Variants in FBXL20 observed in about 807,000 individuals in gnomAD.
FBXL20 encodes F-box and leucine rich repeat protein 20.
A neutral mutation model predicts 64.0 loss-of-function variants in FBXL20; 11 were observed. The observed-to-expected ratio is 0.17, with a 90% confidence interval of 0.11 to 0.28. The LOEUF is 0.28. FBXL20 is among the 10% of genes least tolerant of loss of function. The probability of loss-of-function intolerance (pLI) is 1.00; values close to 1 mark genes in which losing one functional copy is unlikely to be tolerated. For synonymous variants in FBXL20, 184 were observed against 189.0 expected (o/e 0.97, Z 0.22); for missense variants, 303 against 526.2 (o/e 0.58, Z 4.15).
intron 2 of FBXL20, among the ~76,000 whole-genome samples, chr17:39,308,441 A>G (rs1354634739): frequency 6.6e-6 from 1 of 151,728 alleles, no homozygotes; most frequent in Non-Finnish European, 1.5e-5. Context: ...GCTGTAGGGA[A>G]CTGTGATCAC....
chr17:39,392,011 T>A (rs1384121995), intron 1 of FBXL20, among the ~76,000 whole-genome samples: 1 of 151,438 alleles, frequency 6.6e-6, no homozygotes, highest in Non-Finnish European at 1.5e-5. Flanking sequence ...GGTATGGTGG[T>A]GCAGTAATCC....
At chr17:39,294,070 GT>G (rs1335477530) in intron 6 of FBXL20, among the ~76,000 whole-genome samples, 1 of 151,806 alleles carries the variant, frequency 6.6e-6, no homozygotes, top group Non-Finnish European at 1.5e-5. Flanking sequence ...GGTCTTCTAG[GT>G]TTTGTTTAGT....
intron 1 of FBXL20, among the ~76,000 whole-genome samples, chr17:39,394,046 A>C (rs1275111823): frequency 6.6e-6 from 1 of 152,158 alleles, no homozygotes; most frequent in Non-Finnish European, 1.5e-5. Context: ...CTGAGCCAAT[A>C]TTTGGGTGGG....
intron 1 of FBXL20, among the ~76,000 whole-genome samples, chr17:39,366,914 C>T (rs914090130): frequency 4.7e-5 from 7 of 148,592 alleles, no homozygotes; most frequent in Non-Finnish European, 7.4e-5. Flanking sequence ...GATGGAGCCT[C>T]GCTCTGTCAG....
chr17:39,297,115 T>C lies in FBXL20; in HGVS notation c.398+12A>G, dbSNP rs1567868461. On this transcript the variant is annotated intron_variant, in intron 6 of 14. Transcript: ENST00000264658. ...GGTTATGACTTATCCTCCAAAAACA[T>C]AAAATACTTACGCGTCTGTTGTCTT... is the stretch of plus-strand genomic sequence containing the variant. 6.3e-6 allele frequency: 10 copies of C among 1,594,820 alleles called. No individual in the cohort carries two copies. Among genetic ancestry groups the C allele is most frequent in the Non-Finnish European group, 8.6e-6 (10 of 1,166,060 alleles).
chr17:39,360,221 G>A (rs1344801721), intron 1 of FBXL20, among the ~76,000 whole-genome samples: 1 of 152,104 alleles, frequency 6.6e-6, no homozygotes, highest in Non-Finnish European at 1.5e-5. Flanking sequence ...GGTTGGCAGG[G>A]GCTAAAAGGG....
intron 11 of FBXL20, among the ~76,000 whole-genome samples, chr17:39,269,601 C>T (rs1039931996): frequency 6.6e-6 from 1 of 150,646 alleles, no homozygotes; most frequent in Non-Finnish European, 1.5e-5. Context: ...CGGATTCAAG[C>T]GATTCTCCTG....
upstream of FBXL20, chr17:39,401,748 C>CGCG (rs1220613681): frequency 1.6e-3 from 1,665 of 1,068,390 alleles, 2 homozygotes; most frequent in Non-Finnish European, 1.8e-3. Flanking sequence ...AGGGGAGGAG[C>CGCG]GCGGCGGCGG....
intron 11 of FBXL20, 113 bp from the exon 12 acceptor site, chr17:39,268,984 G>T: frequency 2.1e-6 from 2 of 964,426 alleles, no homozygotes; most frequent in Non-Finnish European, 3.2e-6. Context: ...AAATTCTTTG[G>T]TGTTTCAGAG....
intron 6 of FBXL20, among the ~76,000 whole-genome samples, chr17:39,290,645 C>T (rs1335006537): frequency 1.3e-5 from 2 of 151,806 alleles, no homozygotes; most frequent in African/African-American, 4.8e-5. Context: ...GTTCACTATA[C>T]CCTCGACCTC....
intron 2 of FBXL20, among the ~76,000 whole-genome samples, chr17:39,328,665 T>A (rs1400699670): frequency 6.6e-6 from 1 of 152,202 alleles, no homozygotes; most frequent in Non-Finnish European, 1.5e-5. Flanking sequence ...ACGGTAAATT[T>A]AGAAAATCAC....
intron 4 of FBXL20, among the ~76,000 whole-genome samples, chr17:39,299,401 C>A (rs2047114752): frequency 6.6e-6 from 1 of 152,166 alleles, no homozygotes; most frequent in Non-Finnish European, 1.5e-5. Context: ...TACTGAAAGA[C>A]AGCAACTACA....
intron 2 of FBXL20, among the ~76,000 whole-genome samples, chr17:39,337,175 A>C (rs2047531185): frequency 6.6e-6 from 1 of 152,028 alleles, no homozygotes; most frequent in African/African-American, 2.4e-5. Flanking sequence ...TCTGGTGGAG[A>C]CGGGGTTTCG....
At chr17:39,373,387 T>C (rs1305924220) in intron 1 of FBXL20, among the ~76,000 whole-genome samples, 1 of 152,232 alleles carries the variant, frequency 6.6e-6, no homozygotes, top group Non-Finnish European at 1.5e-5. Flanking sequence ...TCTCCTGCGT[T>C]GAAAAGCTTG....
At position 39,261,752 on chromosome 17, in the gene FBXL20, G is replaced by C. The variant is rs570156647; in HGVS notation, c.1204-185C>G. ...CATCCTAGGTTGTTCTCAATGACCA[G>C]AACAACTCATATGACTTTGGTACCT... On this transcript the variant is annotated intron_variant, in intron 14 of 14. Transcript: ENST00000264658. Among the ~76,000 whole-genome samples, 3 of 152,078 alleles carry C rather than the reference G, an allele frequency of 2.0e-5. No homozygotes were observed. The South Asian group carries it at 6.2e-4, about 32-fold the overall frequency.
intron 1 of FBXL20, among the ~76,000 whole-genome samples, chr17:39,347,107 T>C (rs1481528187): frequency 1.3e-5 from 2 of 152,188 alleles, no homozygotes; most frequent in Non-Finnish European, 2.9e-5. Flanking sequence ...ACGTTTGGGT[T>C]GGTTCCAAGT....
chr17:39,269,428 C>T (rs1052028501), intron 11 of FBXL20, among the ~76,000 whole-genome samples: 2 of 151,770 alleles, frequency 1.3e-5, no homozygotes, highest in African/African-American at 4.8e-5. Context: ...CTCCTGACCT[C>T]GTGATCCGCC....
intron 2 of FBXL20, among the ~76,000 whole-genome samples, chr17:39,311,380 T>A (rs1342820019): frequency 2.0e-5 from 3 of 152,164 alleles, no homozygotes; most frequent in African/African-American, 7.2e-5. Flanking sequence ...TTATTTTTCA[T>A]CTCTTTGTTT....
chr17:39,378,148 G>T (rs1432342718), intron 1 of FBXL20, among the ~76,000 whole-genome samples: 3 of 152,146 alleles, frequency 2.0e-5, no homozygotes, highest in Admixed American at 6.6e-5. Context: ...CTAACTGGGA[G>T]GGAATTGAAT....
Sources: allele counts gnomAD v4.1 joint callset (sites outside exome capture counted in the v4.1 genomes callset), GRCh38; gene constraint gnomAD v4.1.1; transcripts MANE v1.5; gene names NCBI Gene and HGNC (gene_info 2026-07-23, HGNC 2026-07-21).